Variants in CCDC33 observed in about 807,000 individuals in gnomAD.
The protein encoded by CCDC33 is coiled-coil domain-containing protein 33.
In CCDC33, 94 loss-of-function variants were observed where a neutral mutation model predicts 91.9. The ratio of observed to expected loss-of-function variants is 1.02; its 90% confidence interval spans 0.87 to 1.21. The LOEUF (loss-of-function observed/expected upper bound fraction) is 1.21, where lower values mean the gene tolerates loss of function less well. Among genes scored for constraint, CCDC33 ranks in the 50% most tolerant of loss-of-function variants. The probability of loss-of-function intolerance (pLI) is 0.00; values close to 1 mark genes in which losing one functional copy is unlikely to be tolerated. For synonymous variants in CCDC33, 396 were observed against 374.5 expected (o/e 1.06, Z -0.66); for missense variants, 940 against 935.5 (o/e 1.00, Z -0.06).
intron 15 of CCDC33, 98 bp from the exon 16 acceptor site, chr15:74,332,581 A>G: frequency 7.8e-7 from 1 of 1,278,582 alleles, no homozygotes; most frequent in Non-Finnish European, 1.1e-6. Context: ...AGTAGAGGGG[A>G]GGGGTGGCAG....
In CCDC33 at chr15:74,283,175, A is replaced by C. The variant is rs139291627; in HGVS notation, c.1095+1326A>C. Among the ~76,000 whole-genome samples, 939 of 152,294 alleles carry C rather than the reference A, an allele frequency of 6.2e-3. 8 individuals are homozygous for C. The highest frequency in any genetic ancestry group is 0.058 in the Middle Eastern group (17 of 294). On this transcript the variant is annotated intron_variant, in intron 10 of 18. Transcript: ENST00000398814. ...ATAGGTGTTCAGGATTGCCCTCTCA[A>C]GGGTAGAAGCAACAAACCCCAAGAA...
intron 11 of CCDC33, among the ~76,000 whole-genome samples, chr15:74,313,574 G>A (rs1418617196): frequency 6.6e-6 from 1 of 151,802 alleles, no homozygotes; most frequent in Non-Finnish European, 1.5e-5. Context: ...TGCTGGCCGC[G>A]ATGCTCCGCT....
chr15:74,236,775 A>T (rs1323161427), intron 1 of CCDC33, 35 bp downstream of exon 1: 1 of 1,609,234 alleles, frequency 6.2e-7, no homozygotes, highest in African/African-American at 1.3e-5. Flanking sequence ...CACCTGCATG[A>T]ATCCGTCCCT....
intron 7 of CCDC33, among the ~76,000 whole-genome samples, chr15:74,274,475 C>G (rs985816114): frequency 6.6e-6 from 1 of 152,178 alleles, no homozygotes; most frequent in East Asian, 1.9e-4. Context: ...ACAAGACACC[C>G]CTTTGGAGCC....
At chr15:74,277,790 GCC>G (rs1408186791) in intron 7 of CCDC33, among the ~76,000 whole-genome samples, 4 of 152,172 alleles carry the variant, frequency 2.6e-5, no homozygotes, top group Non-Finnish European at 5.9e-5. Context: ...TCCTTATTGG[GCC>G]GGCAGCCACT....
chr15:74,243,937 T>C (rs1361750295), intron 1 of CCDC33, 48 bp from the exon 2 acceptor site: 6 of 1,475,130 alleles, frequency 4.1e-6, no homozygotes, highest in Admixed American at 2.3e-5. Flanking sequence ...AGAGCAAGAC[T>C]CTGTCTCAAA....
chr15:74,228,784 T>C (rs1447534820), intron 2 of CCDC33, among the ~76,000 whole-genome samples: 1 of 152,208 alleles, frequency 6.6e-6, no homozygotes, highest in Non-Finnish European at 1.5e-5. Context: ...GCTCCTCTCT[T>C]CCAGGAGACA....
intron 2 of CCDC33, among the ~76,000 whole-genome samples, chr15:74,258,572 G>A (rs937485550): frequency 1.3e-5 from 2 of 152,176 alleles, no homozygotes; most frequent in Admixed American, 6.5e-5. Flanking sequence ...GGTACAGTAT[G>A]GTACTCACAC....
chr15:74,305,471 C>A (rs2059876127), intron 11 of CCDC33, among the ~76,000 whole-genome samples: 1 of 152,162 alleles, frequency 6.6e-6, no homozygotes, highest in East Asian at 1.9e-4. Context: ...GGGGAGAAGT[C>A]TGCAAAGGCC....
intron 12 of CCDC33, 76 bp from the exon 13 acceptor site, chr15:74,330,587 C>A: frequency 7.8e-7 from 1 of 1,274,794 alleles, no homozygotes; most frequent in Non-Finnish European, 1.1e-6. Flanking sequence ...GGATATCTGC[C>A]TTCCTGCTAC....
At chr15:74,219,486 A>G (rs1018776335) in intron 2 of CCDC33, among the ~76,000 whole-genome samples, 5 of 152,160 alleles carry the variant, frequency 3.3e-5, no homozygotes, top group Non-Finnish European at 5.9e-5. Context: ...TGGAAACCTT[A>G]GTGTATAATA....
chr15:74,285,985 C>T (rs977564096), intron 10 of CCDC33, among the ~76,000 whole-genome samples: 4 of 152,262 alleles, frequency 2.6e-5, no homozygotes, highest in Non-Finnish European at 4.4e-5. Context: ...CGGTGGCTCA[C>T]GCCTGTAATC....
At chr15:74,206,513 G>T (rs751484216) in intron 1 of CCDC33, among the ~76,000 whole-genome samples, 3 of 152,210 alleles carry the variant, frequency 2.0e-5, no homozygotes, top group African/African-American at 7.2e-5. Flanking sequence ...CAAAGGCCTG[G>T]GCAGCAGAGT....
At chr15:74,329,807 G>T (rs1406188259) in intron 11 of CCDC33, among the ~76,000 whole-genome samples, 1 of 152,222 alleles carries the variant, frequency 6.6e-6, no homozygotes, top group African/African-American at 2.4e-5. Context: ...AGAAGATGGG[G>T]AAGGAGGAGG....
chr15:74,283,054 G>A (rs1369750785), intron 10 of CCDC33, among the ~76,000 whole-genome samples: 3 of 152,168 alleles, frequency 2.0e-5, no homozygotes, highest in Non-Finnish European at 4.4e-5. Context: ...ATCCTATGGT[G>A]TGGGGTATGA....
intron 2 of CCDC33, among the ~76,000 whole-genome samples, chr15:74,230,696 T>C (rs1244485923): frequency 6.6e-6 from 1 of 152,204 alleles, no homozygotes; most frequent in Non-Finnish European, 1.5e-5. Flanking sequence ...TGCTCCATCT[T>C]GGCATACATT....
At chr15:74,222,708 G>A (rs1199022442) in intron 2 of CCDC33, among the ~76,000 whole-genome samples, 2 of 151,832 alleles carry the variant, frequency 1.3e-5, no homozygotes, top group African/African-American at 4.8e-5. Flanking sequence ...AAGGAGAAGT[G>A]GAGGGGAAAG....
intron 11 of CCDC33, among the ~76,000 whole-genome samples, chr15:74,296,876 C>A (rs2059698693): frequency 6.6e-6 from 1 of 152,198 alleles, no homozygotes; most frequent in African/African-American, 2.4e-5. Context: ...GTAACCATGG[C>A]TGAATTATTG....
intron 11 of CCDC33, among the ~76,000 whole-genome samples, chr15:74,309,320 C>T (rs1056558638): frequency 6.6e-6 from 1 of 152,214 alleles, no homozygotes; most frequent in Admixed American, 6.5e-5. Flanking sequence ...CGGCTCACTC[C>T]ACCTTGTACC....
Sources: allele counts gnomAD v4.1 joint callset (sites outside exome capture counted in the v4.1 genomes callset), GRCh38; gene constraint gnomAD v4.1.1; transcripts MANE v1.5; gene names NCBI Gene and HGNC (gene_info 2026-07-23, HGNC 2026-07-21).